The following IMMT variants were observed in gnomAD, a reference collection of about 807,000 sequenced individuals.
IMMT encodes the protein MICOS complex subunit MIC60.
IMMT carries 40 observed loss-of-function variants against 92.7 expected under a neutral mutation model. That is an observed-to-expected ratio of 0.43 (90% CI 0.34 to 0.56). The LOEUF is 0.56. IMMT is among the 20% of genes least tolerant of loss of function. The pLI is 0.03. For synonymous variants in IMMT, 322 were observed against 336.1 expected, an observed-to-expected ratio of 0.96 and a Z score of 0.46; for missense variants, 831 against 912.1, an observed-to-expected ratio of 0.91 and a Z score of 1.14.
Position 86,144,087 on chromosome 2 carries a change from G to T in IMMT, c.*181C>A. 1 of 681,590 alleles carries T rather than the reference G, an allele frequency of 1.5e-6. No homozygotes were observed. Among genetic ancestry groups the T allele is most frequent in the Non-Finnish European group, 2.4e-6 (1 of 412,416 alleles). 42.2% of individuals were successfully genotyped at this position (681,590 alleles called of 1,614,324 possible). A position where few individuals can be genotyped will look rare whatever the true frequency, so the allele number is the denominator to read the frequency against. ...ACAAGTTGCAAAGAAAGCACTCCTG[G>T]CGTTCACTGACATGATAGCAAATGG... is the stretch of plus-strand genomic sequence containing the variant. On this transcript the variant is annotated 3_prime_UTR_variant, in exon 15 of 15. Coordinates refer to ENST00000410111, the MANE Select transcript of IMMT (RefSeq NM_006839.3).
chr2:86,168,994 T>A (rs1052897135), intron 6 of IMMT, among the ~76,000 whole-genome samples: 1 of 152,242 alleles, frequency 6.6e-6, no homozygotes, highest in African/African-American at 2.4e-5. Flanking sequence ...AGGCACCTGC[T>A]GCTTCCAGCC....
chr2:86,170,214 A>AG (rs1676985118), intron 6 of IMMT, among the ~76,000 whole-genome samples: 1 of 152,226 alleles, frequency 6.6e-6, no homozygotes, highest in African/African-American at 2.4e-5. Context: ...CAGGAGTACG[A>AG]GACCAGTCTA....
At chr2:86,193,070 G>A (rs1315661131) in intron 1 of IMMT, 1 of 153,014 alleles carries the variant, frequency 6.5e-6, no homozygotes, top group Non-Finnish European at 1.5e-5. Context: ...AGTAAAGAAT[G>A]GACTCTAGGA....
intron 1 of IMMT, among the ~76,000 whole-genome samples, chr2:86,191,717 C>T (rs1673129151): frequency 7.1e-6 from 1 of 140,234 alleles, no homozygotes; most frequent in Non-Finnish European, 1.5e-5. Context: ...TCCTGGCTAA[C>T]ACGGTGAAAC....
chr2:86,181,198 TA>T, intron 2 of IMMT, 100 bp downstream of exon 2: 14 of 824,462 alleles, frequency 1.7e-5, no homozygotes, highest in Non-Finnish European at 2.2e-5. Context: ...TACCCCTTTT[TA>T]AAAAAAGGTT....
At chr2:86,195,241 T>C (rs894129505) in intron 1 of IMMT, 97 bp downstream of exon 1, 54 of 1,315,578 alleles carry the variant, frequency 4.1e-5, no homozygotes, top group Non-Finnish European at 5.1e-5. Context: ...AGGCTCGCCT[T>C]TGTCCTGGAG....
chr2:86,161,662 C>T lies in IMMT; in HGVS notation c.896+314G>A, dbSNP rs571153972. 2.8e-3 allele frequency among the ~76,000 whole-genome samples: 416 copies of T among 151,230 alleles called. 3 individuals are homozygous for T. The highest frequency in any genetic ancestry group is 4.9e-3 in the Non-Finnish European group (335 of 67,818). On this transcript the variant is annotated intron_variant, in intron 8 of 14. Coordinates refer to ENST00000410111, the MANE Select transcript of IMMT (RefSeq NM_006839.3). ...TCGAGTAGCTGGGACTACAGGCGCCCGCCACCACGCCCAGCTAATTTTTTT... is the reference window on the plus strand; with the variant it reads ...TCGAGTAGCTGGGACTACAGGCGCCTGCCACCACGCCCAGCTAATTTTTTT...
At chr2:86,149,575 G>A (rs1675307735) in intron 12 of IMMT, among the ~76,000 whole-genome samples, 1 of 152,148 alleles carries the variant, frequency 6.6e-6, no homozygotes, top group Non-Finnish European at 1.5e-5. Flanking sequence ...CAGCACTTTG[G>A]TGTTTAAATT....
chr2:86,188,363 A>AAT (rs1672910049), intron 1 of IMMT, among the ~76,000 whole-genome samples: 2 of 152,094 alleles, frequency 1.3e-5, no homozygotes, highest in Non-Finnish European at 2.9e-5. Context: ...TGGCTATTCA[A>AAT]GTCCTTTGCT....
intron 1 of IMMT, among the ~76,000 whole-genome samples, chr2:86,183,408 G>A (rs1240358218): frequency 6.6e-6 from 1 of 152,102 alleles, no homozygotes; most frequent in Non-Finnish European, 1.5e-5. Flanking sequence ...CTCCCAAAGT[G>A]TTGGAATTAC....
At chr2:86,185,967 CTT>C (rs1672741847) in intron 1 of IMMT, among the ~76,000 whole-genome samples, 1 of 152,162 alleles carries the variant, frequency 6.6e-6, no homozygotes, top group Admixed American at 6.5e-5. Flanking sequence ...GAATTTTACA[CTT>C]GTTATGGAAT....
At chr2:86,152,368 G>A (rs1464367428) in intron 11 of IMMT, among the ~76,000 whole-genome samples, 1 of 148,502 alleles carries the variant, frequency 6.7e-6, no homozygotes, top group East Asian at 2.0e-4. Context: ...TTGAACCCAG[G>A]AGACAGAGGT....
chr2:86,191,731 G>A (rs1360873317), intron 1 of IMMT, among the ~76,000 whole-genome samples: 2 of 128,520 alleles, frequency 1.6e-5, no homozygotes, highest in Middle Eastern at 5.2e-3. Flanking sequence ...GTGAAACCCC[G>A]TCTCTACTAA....
chr2:86,183,411 G>T (rs72839362), intron 1 of IMMT, among the ~76,000 whole-genome samples: 1 of 152,014 alleles, frequency 6.6e-6, no homozygotes, highest in Non-Finnish European at 1.5e-5. Context: ...CCAAAGTGTT[G>T]GAATTACAGG....
Position 86,195,414 on chromosome 2 carries a change from T to C in IMMT, c.-32A>G, listed in dbSNP as rs781005243. 14 of 1,544,090 alleles carry C rather than the reference T, an allele frequency of 9.1e-6. No homozygotes were observed. In the Admixed American group the frequency reaches 2.8e-4, roughly 31 times the overall value. ...CAAGCGGACGGCGCTGCTGGTGGAC[T>C]CGAGCTGCCGCGGCGGCGCGAGTTA... On this transcript the variant is annotated 5_prime_UTR_variant, in exon 1 of 15. Coordinates refer to ENST00000410111, the MANE Select transcript of IMMT (RefSeq NM_006839.3).
Position 86,195,345 on chromosome 2 carries a change from G to A in IMMT, c.38C>T (p.Ala13Val). The part of the protein sequence containing the change: ...RACQLSGVTA[A>V]AQSCLCGKFV... ...GGGAGCCCCAGTGCTCACCTGGGCG[G>A]CGGCGGTCACACCCGATAACTGACA... Residue 13 changes from alanine (A) to valine (V), a missense_variant, in exon 1 of 15, where the codon GCC becomes GTC. Physicochemically the swap from Ala to Val is moderately conservative, Grantham distance 64. Coordinates refer to ENST00000410111, the MANE Select transcript of IMMT (RefSeq NM_006839.3). 2 of 1,549,354 alleles carry A rather than the reference G, an allele frequency of 1.3e-6. No individual in the cohort carries two copies. The highest frequency in any genetic ancestry group is 2.4e-5 in the South Asian group (2 of 83,690).
At chr2:86,195,305 T>G in intron 1 of IMMT, 33 bp downstream of exon 1, 4 of 1,523,742 alleles carry the variant, frequency 2.6e-6, no homozygotes, top group Non-Finnish European at 2.6e-6. Context: ...TAGTTCAGCC[T>G]CCTCACGCGC....
At chr2:86,146,446 C>T (rs1047128370) in intron 13 of IMMT, among the ~76,000 whole-genome samples, 3 of 151,652 alleles carry the variant, frequency 2.0e-5, no homozygotes, top group African/African-American at 7.3e-5. Flanking sequence ...TCTTGGCTCA[C>T]TGCAACCTCC....
At chr2:86,168,538 G>A (rs1032905915) in intron 6 of IMMT, among the ~76,000 whole-genome samples, 6 of 152,102 alleles carry the variant, frequency 3.9e-5, no homozygotes, top group African/African-American at 1.2e-4. Context: ...CAGGAAAATC[G>A]CTTGAACCTG....
Sources: allele counts gnomAD v4.1 joint callset (sites outside exome capture counted in the v4.1 genomes callset), GRCh38; gene constraint gnomAD v4.1.1; transcripts MANE v1.5; gene names NCBI Gene and HGNC (gene_info 2026-07-23, HGNC 2026-07-21).